HS6ST3: variants seen among roughly 807,000 people sequenced by gnomAD.
HS6ST3 encodes heparan sulfate 6-O-sulfotransferase 3.
A neutral mutation model predicts 36.7 loss-of-function variants in HS6ST3; 12 were observed. The ratio of observed to expected loss-of-function variants is 0.33; its 90% CI spans 0.21 to 0.53. The LOEUF (loss-of-function observed/expected upper bound fraction) is 0.53. Ranked by LOEUF, HS6ST3 falls within the 20% of genes least tolerant of loss-of-function variation. HS6ST3 has a pLI of 0.95. For synonymous variants in HS6ST3, 240 were observed against 257.5 expected (o/e 0.93, Z 0.65); for missense variants, 584 against 640.9 (o/e 0.91, Z 0.96).
At chr13:96,139,816 A>G (rs1379632781) in intron 1 of HS6ST3, among the ~76,000 whole-genome samples, 3 of 152,090 alleles carry the variant, frequency 2.0e-5, no homozygotes, top group Non-Finnish European at 4.4e-5. Flanking sequence ...TTAAAAAGCA[A>G]AGAGTGGTAT....
chr13:96,149,809 A>T (rs936242993), intron 1 of HS6ST3, among the ~76,000 whole-genome samples: 2 of 152,222 alleles, frequency 1.3e-5, no homozygotes, highest in African/African-American at 4.8e-5. Flanking sequence ...ATTCATTAGC[A>T]GCTGAATAAT....
At chr13:96,279,097 T>G (rs916428141) in intron 1 of HS6ST3, among the ~76,000 whole-genome samples, 2 of 152,146 alleles carry the variant, frequency 1.3e-5, no homozygotes, top group Non-Finnish European at 2.9e-5. Flanking sequence ...CATTAAACCA[T>G]CAGAGAGTAA....
chr13:96,530,186 T>C (rs1566388178), intron 1 of HS6ST3, among the ~76,000 whole-genome samples: 2 of 151,312 alleles, frequency 1.3e-5, no homozygotes, highest in Non-Finnish European at 2.9e-5. Flanking sequence ...TGTTTTTGTT[T>C]GTTTTGCAAA....
chr13:96,754,816 G>C (rs1185472723), intron 1 of HS6ST3, among the ~76,000 whole-genome samples: 1 of 151,978 alleles, frequency 6.6e-6, no homozygotes, highest in Admixed American at 6.6e-5. Flanking sequence ...AGTAGTCTAA[G>C]TATGGATTTC....
chr13:96,805,261 G>C (rs1486180401), intron 1 of HS6ST3, among the ~76,000 whole-genome samples: 1 of 152,092 alleles, frequency 6.6e-6, no homozygotes. Flanking sequence ...CCCCCTTGCT[G>C]TTCTTGTGAT....
At chr13:96,317,567 G>A (rs1009190347) in intron 1 of HS6ST3, among the ~76,000 whole-genome samples, 2 of 151,182 alleles carry the variant, frequency 1.3e-5, no homozygotes, top group African/African-American at 4.9e-5. Context: ...TTTCCTTTGG[G>A]TATATACTTA....
At chr13:96,668,926 G>C (rs987113444) in intron 1 of HS6ST3, among the ~76,000 whole-genome samples, 1 of 151,840 alleles carries the variant, frequency 6.6e-6, no homozygotes, top group Non-Finnish European at 1.5e-5. Context: ...AGGATAAAGC[G>C]ATAAACATGC....
intron 1 of HS6ST3, among the ~76,000 whole-genome samples, chr13:96,205,810 A>G (rs769693631): frequency 9.9e-5 from 15 of 152,194 alleles, no homozygotes; most frequent in Non-Finnish European, 1.9e-4. Context: ...GAAAGAACAT[A>G]CCTCAAAATA....
intron 1 of HS6ST3, among the ~76,000 whole-genome samples, chr13:96,099,397 A>G (rs1398281310): frequency 2.6e-5 from 4 of 152,246 alleles, no homozygotes; most frequent in Non-Finnish European, 5.9e-5. Context: ...GTTAATTCTT[A>G]GGATGCTGTG....
chr13:96,682,199 A>G (rs1460773480), intron 1 of HS6ST3, among the ~76,000 whole-genome samples: 5 of 152,090 alleles, frequency 3.3e-5, no homozygotes, highest in African/African-American at 4.8e-5. Context: ...ACCTATATAT[A>G]TTTATACATG....
intron 1 of HS6ST3, among the ~76,000 whole-genome samples, chr13:96,809,372 G>C (rs1324126978): frequency 6.6e-6 from 1 of 152,180 alleles, no homozygotes; most frequent in Non-Finnish European, 1.5e-5. Flanking sequence ...GAATGTTATA[G>C]GGGCATTTCC....
At chr13:96,111,780 G>A (rs776264701) in intron 1 of HS6ST3, among the ~76,000 whole-genome samples, 4 of 152,070 alleles carry the variant, frequency 2.6e-5, no homozygotes, top group Non-Finnish European at 5.9e-5. Context: ...TAAAATATAA[G>A]GGAATAAGCT....
chr13:96,521,364 T>C (rs1227086327), intron 1 of HS6ST3, among the ~76,000 whole-genome samples: 1 of 152,208 alleles, frequency 6.6e-6, no homozygotes, highest in Non-Finnish European at 1.5e-5. Context: ...GCTGGCCTTA[T>C]AAAATGAGTT....
At chr13:96,593,475 C>T (rs920907300) in intron 1 of HS6ST3, among the ~76,000 whole-genome samples, 210 of 151,462 alleles carry the variant, frequency 1.4e-3, no homozygotes, top group African/African-American at 4.8e-3. Context: ...GGATTACAGG[C>T]GTGAGCTACC....
intron 1 of HS6ST3, among the ~76,000 whole-genome samples, chr13:96,705,650 A>G (rs1875400835): frequency 6.6e-6 from 1 of 151,930 alleles, no homozygotes; most frequent in Admixed American, 6.6e-5. Flanking sequence ...TCCTCTCCCT[A>G]TTTCTCATCC....
At position 96,096,192 on chromosome 13, in the gene HS6ST3, T is replaced by C. The variant is rs538721603; in HGVS notation, c.707+4623T>C. Among the ~76,000 whole-genome samples the C allele has an allele frequency of 3.9e-5, 6 of 152,240 alleles. No individual in the cohort carries two copies. The South Asian group carries it at 1.2e-3, about 32-fold the overall frequency. On this transcript the variant is annotated intron_variant, in intron 1 of 1. Coordinates refer to ENST00000376705, the MANE Select transcript of HS6ST3 (RefSeq NM_153456.4). ...GTGAGACATAAAAGCTTCCTTCAAA[T>C]AGTAAAAGGAATGAGATATGGAAGG...
At chr13:96,321,203 A>C (rs2055001374) in intron 1 of HS6ST3, among the ~76,000 whole-genome samples, 1 of 151,762 alleles carries the variant, frequency 6.6e-6, no homozygotes, top group African/African-American at 2.4e-5. Flanking sequence ...GCTTCAGTCT[A>C]TCTGCTTTGA....
chr13:96,400,822 T>G (rs1476054283), intron 1 of HS6ST3, among the ~76,000 whole-genome samples: 1 of 152,170 alleles, frequency 6.6e-6, no homozygotes. Context: ...TTTAACATCC[T>G]TCAGTTATAC....
At chr13:96,530,147 A>G (rs576528767) in intron 1 of HS6ST3, among the ~76,000 whole-genome samples, 4 of 144,946 alleles carry the variant, frequency 2.8e-5, no homozygotes, top group Admixed American at 7.2e-5. Flanking sequence ...CCAACTGCAT[A>G]GGATTTCATT....
Sources: allele counts gnomAD v4.1 joint callset (sites outside exome capture counted in the v4.1 genomes callset), GRCh38; gene constraint gnomAD v4.1.1; transcripts MANE v1.5; gene names NCBI Gene and HGNC (gene_info 2026-07-23, HGNC 2026-07-21).